The following DPP10 variants were observed in gnomAD, a reference collection of about 807,000 sequenced individuals.
The protein encoded by DPP10 is dipeptidyl peptidase like 10, also known as inactive dipeptidyl peptidase 10.
DPP10 carries 33 observed loss-of-function variants against 120.9 expected under a neutral mutation model. The observed-to-expected ratio is 0.27, with a 90% CI of 0.21 to 0.37. The LOEUF is 0.37. Ranked by LOEUF, DPP10 falls within the 10% of genes least tolerant of loss-of-function variation. The probability of loss-of-function intolerance (pLI) is 1.00; values close to 1 mark genes in which losing one functional copy is unlikely to be tolerated. For synonymous variants in DPP10, 337 were observed against 326.1 expected, an observed-to-expected ratio of 1.03 and a Z score of -0.36; for missense variants, 816 against 942.8, an observed-to-expected ratio of 0.87 and a Z score of 1.76.
rs531316130 is a variant in DPP10 at position 114,649,219 on chromosome 2, C to G, written c.60+206381C>G. Among the ~76,000 whole-genome samples, 138 of 152,254 alleles carry G rather than the reference C, an allele frequency of 9.1e-4. 1 individual carries two copies. In the South Asian group the frequency reaches 9.7e-3, roughly 11 times the overall value. On this transcript the variant is annotated intron_variant, in intron 1 of 25. Transcript: ENST00000410059. ...TTAGAAAACCTAGGAGGAATTTTTT[C>G]TATTAACCAGAAACAGTTCTCAAAC...
intron 1 of DPP10, among the ~76,000 whole-genome samples, chr2:115,204,375 A>C (rs1305205781): frequency 2.0e-5 from 3 of 152,208 alleles, no homozygotes; most frequent in Non-Finnish European, 4.4e-5. Context: ...AAAAAGACTA[A>C]GCCTCTAGCC....
intron 3 of DPP10, among the ~76,000 whole-genome samples, chr2:115,365,518 A>T (rs1382881643): frequency 2.6e-5 from 4 of 151,956 alleles, no homozygotes; most frequent in African/African-American, 7.2e-5. Context: ...TAGAATTTCC[A>T]TGTTTAAGAA....
chr2:115,441,756 T>G (rs1341521504), intron 3 of DPP10, among the ~76,000 whole-genome samples: 1 of 152,064 alleles, frequency 6.6e-6, no homozygotes, highest in East Asian at 1.9e-4. Flanking sequence ...CCATGATGAA[T>G]TTAAACTTTT....
In DPP10 at chr2:115,080,526, C is replaced by G. The variant is rs1328453131; in HGVS notation, c.61-228713C>G. Reference sequence around the variant, plus strand: ...TAAATAGAGTTTTGTCGGAAACAACCCAGTCACATTAAAACCAAAGCTTAT... The same window carrying G: ...TAAATAGAGTTTTGTCGGAAACAACGCAGTCACATTAAAACCAAAGCTTAT... On this transcript the variant is annotated intron_variant, in intron 1 of 25. Transcript: ENST00000410059. 2.0e-5 allele frequency among the ~76,000 whole-genome samples: 3 copies of G among 152,148 alleles called. No individual in the cohort carries two copies. The East Asian group carries it at 5.8e-4, about 29-fold the overall frequency.
At chr2:114,950,457 G>A (rs60211658) in intron 1 of DPP10, among the ~76,000 whole-genome samples, 36,717 of 143,834 alleles carry the variant, frequency 0.26, 4,515 homozygotes, top group East Asian at 0.36. Context: ...ACCACGCCCC[G>A]GTAATTTTTT....
chr2:114,662,591 C>T, intron 1 of DPP10, among the ~76,000 whole-genome samples: 1 of 152,190 alleles, frequency 6.6e-6, no homozygotes, highest in African/African-American at 2.4e-5. Flanking sequence ...GGGCGCCGTT[C>T]TTCCCTGAGA....
chr2:114,703,562 A>G (rs1360388317), intron 1 of DPP10, among the ~76,000 whole-genome samples: 1 of 152,192 alleles, frequency 6.6e-6, no homozygotes, highest in East Asian at 1.9e-4. Context: ...ATTGTTAGCT[A>G]TCCTTGGGAA....
rs998520742 is a variant in DPP10 at position 115,796,166 on chromosome 2, G to A, written c.1700+4810G>A. ...TTTAGACAGACTGCTTTGTTCTGGGGAACACCACCACTTCAATCATCACTT... is the reference window on the plus strand; with the variant it reads ...TTTAGACAGACTGCTTTGTTCTGGGAAACACCACCACTTCAATCATCACTT... On this transcript the variant is annotated intron_variant, in intron 19 of 25. Transcript: ENST00000410059. 2.6e-5 allele frequency among the ~76,000 whole-genome samples: 4 copies of A among 152,088 alleles called. No individual in the cohort carries two copies. In the East Asian group the frequency reaches 7.7e-4, roughly 29 times the overall value.
chr2:115,315,276 T>TACACACACACAC (rs138469343), intron 2 of DPP10, among the ~76,000 whole-genome samples: 1 of 147,816 alleles, frequency 6.8e-6, no homozygotes, highest in African/African-American at 2.5e-5. Flanking sequence ...CACACACACA[T>TACACACACACAC]ACACACACAC....
At chr2:115,392,284 G>T (rs1440331540) in intron 3 of DPP10, among the ~76,000 whole-genome samples, 1 of 151,968 alleles carries the variant, frequency 6.6e-6, no homozygotes, top group Non-Finnish European at 1.5e-5. Context: ...CTAGTCGTTG[G>T]TGACCTTTAG....
At chr2:115,155,645 C>G (rs542342694) in intron 1 of DPP10, among the ~76,000 whole-genome samples, 1 of 152,226 alleles carries the variant, frequency 6.6e-6, no homozygotes, top group South Asian at 2.1e-4. Context: ...GCAAGGTAAG[C>G]TTGAAATTAA....
intron 1 of DPP10, among the ~76,000 whole-genome samples, chr2:114,974,995 AAAT>A (rs1476267661): frequency 6.6e-6 from 1 of 152,120 alleles, no homozygotes; most frequent in African/African-American, 2.4e-5. Flanking sequence ...TTAAAGAAAA[AAAT>A]ATAAAACTGA....
chr2:115,393,217 G>A (rs112926876), intron 3 of DPP10, among the ~76,000 whole-genome samples: 2,543 of 151,878 alleles, frequency 0.017, 73 homozygotes, highest in African/African-American at 0.058. Flanking sequence ...GGAGGCTGAG[G>A]CATGAGAATC....
At chr2:115,130,332 T>C (rs1241359925) in intron 1 of DPP10, among the ~76,000 whole-genome samples, 4 of 152,194 alleles carry the variant, frequency 2.6e-5, no homozygotes, top group Non-Finnish European at 5.9e-5. Flanking sequence ...TTGACACTGT[T>C]GTTACGTTCT....
intron 1 of DPP10, among the ~76,000 whole-genome samples, chr2:115,111,197 G>A (rs972866463): frequency 2.7e-5 from 4 of 150,130 alleles, no homozygotes; most frequent in Admixed American, 2.0e-4. Context: ...ACTAACTCAT[G>A]TTCATAATCA....
At chr2:114,662,289 A>G (rs1697472933) in intron 1 of DPP10, among the ~76,000 whole-genome samples, 1 of 152,186 alleles carries the variant, frequency 6.6e-6, no homozygotes, top group Non-Finnish European at 1.5e-5. Context: ...AAGAACTCAG[A>G]GCGAAAGTCC....
chr2:115,668,132 A>T (rs1296278557), intron 5 of DPP10, among the ~76,000 whole-genome samples: 1 of 152,110 alleles, frequency 6.6e-6, no homozygotes, highest in Non-Finnish European at 1.5e-5. Context: ...TTGTTTATAT[A>T]CTTTATCCAG....
At chr2:114,581,453 G>C (rs915548318) in intron 1 of DPP10, among the ~76,000 whole-genome samples, 1 of 152,052 alleles carries the variant, frequency 6.6e-6, no homozygotes, top group African/African-American at 2.4e-5. Context: ...AAAGTGCTGA[G>C]ATTACAGGCA....
intron 1 of DPP10, among the ~76,000 whole-genome samples, chr2:115,000,740 A>C (rs1020175547): frequency 9.8e-5 from 15 of 152,322 alleles, no homozygotes; most frequent in African/African-American, 3.4e-4. Context: ...AAGCAATTTT[A>C]ATGCTGAGAC....
Sources: gnomAD v4.1 joint callset for allele counts (sites outside exome capture counted in the v4.1 genomes callset) on GRCh38, gnomAD v4.1.1 for gene constraint, MANE v1.5 for transcripts, NCBI Gene and HGNC (gene_info 2026-07-23, HGNC 2026-07-21) for gene names.